Variants in UNC13C observed in about 807,000 individuals in gnomAD.
The protein encoded by UNC13C is protein unc-13 homolog C.
A neutral mutation model predicts 245.4 loss-of-function variants in UNC13C; 174 were observed. The observed-to-expected ratio is 0.71, with a 90% CI of 0.63 to 0.80. The LOEUF (loss-of-function observed/expected upper bound fraction) is 0.80, where lower values mean the gene tolerates loss of function less well. UNC13C is among the 30% of genes least tolerant of loss of function. UNC13C has a pLI of 0.00. For synonymous variants in UNC13C, 992 were observed against 895.1 expected (o/e 1.11, Z -1.93); for missense variants, 2,829 against 2,602.9 (o/e 1.09, Z -1.89).
intron 19 of UNC13C, among the ~76,000 whole-genome samples, chr15:54,436,275 A>G (rs2040984431): frequency 6.6e-6 from 1 of 152,024 alleles, no homozygotes; most frequent in Admixed American, 6.6e-5. Flanking sequence ...TATTTCCTCT[A>G]GAAATACCAT....
intron 24 of UNC13C, 85 bp from the exon 25 acceptor site, chr15:54,525,464 A>G: frequency 2.2e-6 from 2 of 894,938 alleles, no homozygotes; most frequent in South Asian, 3.7e-5. Context: ...TGAAGTTACC[A>G]TATAATAATC....
the UNC13C span, among the ~76,000 whole-genome samples, chr15:53,969,471 G>A: frequency 6.6e-6 from 1 of 151,850 alleles, no homozygotes; most frequent in Non-Finnish European, 1.5e-5. Flanking sequence ...TTTCTTAAGG[G>A]CAGGGGTTTG....
chr15:54,542,677 G>A (rs367787720), intron 26 of UNC13C, among the ~76,000 whole-genome samples: 1 of 152,190 alleles, frequency 6.6e-6, no homozygotes, highest in Admixed American at 6.5e-5. Flanking sequence ...ATGAATCTGG[G>A]TGCTCCTGTA....
chr15:54,175,401 T>G (rs1157965593), intron 4 of UNC13C, among the ~76,000 whole-genome samples: 2 of 152,014 alleles, frequency 1.3e-5, no homozygotes, highest in African/African-American at 4.8e-5. Context: ...CCACCATAAC[T>G]ATAAAACAGT....
chr15:54,014,488 G>T lies in UNC13C; in HGVS notation c.1585G>T (p.Ala529Ser). The change falls in exon 2 of 33, where the codon GCA becomes TCA. Residue 529 changes from alanine to serine, a missense_variant. Ala to Ser is a moderately conservative substitution (Grantham distance 99, BLOSUM62 1). Transcript: ENST00000260323. ...ILEKQTTTHY[A>S]DATPLWHSQS... is the part of the protein sequence containing the mutation. ...GGAAAAGCAAACCACAACCCATTAT[G>T]CAGATGCAACACCTCTCTGGCACTC... is the stretch of plus-strand genomic sequence containing the variant. 1 of 1,613,796 alleles carries T rather than the reference G, an allele frequency of 6.2e-7. No individual in the cohort carries two copies. Among genetic ancestry groups the T allele is most frequent in the Non-Finnish European group, 8.5e-7 (1 of 1,179,822 alleles).
chr15:54,534,278 G>T lies in UNC13C; in HGVS notation c.5696+1212G>T, dbSNP rs1019221761. Among the ~76,000 whole-genome samples, 3 of 152,226 alleles carry T rather than the reference G, an allele frequency of 2.0e-5. No homozygotes were observed. In the South Asian group the frequency reaches 6.2e-4, roughly 32 times the overall value. On this transcript the variant is annotated intron_variant, in intron 26 of 32. Coordinates refer to ENST00000260323, the MANE Select transcript of UNC13C (RefSeq NM_001080534.3). ...AATGGGCCTGGTACCAGGCCCCAGG[G>T]TTAGGACATGCAATCCAGGAATGCC...
At chr15:54,557,930 T>A (rs535742256) in intron 29 of UNC13C, among the ~76,000 whole-genome samples, 1 of 151,952 alleles carries the variant, frequency 6.6e-6, no homozygotes, top group African/African-American at 2.4e-5. Flanking sequence ...CCATAAAAAA[T>A]GATGAGTTCA....
intron 15 of UNC13C, among the ~76,000 whole-genome samples, chr15:54,333,362 G>A (rs768532371): frequency 5.9e-5 from 9 of 151,860 alleles, no homozygotes; most frequent in Non-Finnish European, 1.2e-4. Flanking sequence ...AGTAAATGCA[G>A]CACATGTATA....
intron 2 of UNC13C, among the ~76,000 whole-genome samples, chr15:54,027,334 G>C (rs1196545450): frequency 6.6e-6 from 1 of 152,124 alleles, no homozygotes; most frequent in Non-Finnish European, 1.5e-5. Flanking sequence ...TGAGTTGTAG[G>C]AGTTATGTCA....
chr15:54,190,062 A>G (rs1230511320), intron 4 of UNC13C, among the ~76,000 whole-genome samples: 2 of 152,162 alleles, frequency 1.3e-5, no homozygotes, highest in Non-Finnish European at 2.9e-5. Flanking sequence ...CCTTACTCTT[A>G]GTACAGGTTT....
At chr15:54,118,753 G>GTTCT (rs2030454482) in intron 2 of UNC13C, among the ~76,000 whole-genome samples, 1 of 151,960 alleles carries the variant, frequency 6.6e-6, no homozygotes, top group Admixed American at 6.6e-5. Flanking sequence ...ATTTTTCCCT[G>GTTCT]TTCTGTATGT....
At chr15:54,303,095 A>G (rs1707225404) in intron 13 of UNC13C, among the ~76,000 whole-genome samples, 1 of 152,174 alleles carries the variant, frequency 6.6e-6, no homozygotes, top group South Asian at 2.1e-4. Context: ...TCTCAAATCT[A>G]GAAACTTTGT....
At chr15:54,449,041 T>A (rs1891002267) in intron 19 of UNC13C, among the ~76,000 whole-genome samples, 1 of 152,164 alleles carries the variant, frequency 6.6e-6, no homozygotes, top group South Asian at 2.1e-4. Flanking sequence ...TGAAGCTTAG[T>A]TTGGCTGGAT....
chr15:54,607,377 C>T (rs1264758523), intron 30 of UNC13C, among the ~76,000 whole-genome samples: 1 of 152,138 alleles, frequency 6.6e-6, no homozygotes, highest in African/African-American at 2.4e-5. Flanking sequence ...TGTCCTTTTT[C>T]AGAGTCAGTT....
rs1896684961 is a variant in UNC13C at position 54,550,405 on chromosome 15, C to T, written c.5877+714C>T. Among the ~76,000 whole-genome samples, 4 of 152,036 alleles carry T rather than the reference C, an allele frequency of 2.6e-5. No individual in the cohort carries two copies. In the South Asian group the frequency reaches 8.3e-4, roughly 32 times the overall value. Reference sequence around the variant, plus strand: ...GTGAGTGTAAATGAGACAAGACATACATTATCTTTGCTTGGTAACTGCAAA... The same window carrying T: ...GTGAGTGTAAATGAGACAAGACATATATTATCTTTGCTTGGTAACTGCAAA... On this transcript the variant is annotated intron_variant, in intron 28 of 32. Transcript: ENST00000260323.
At chr15:53,910,347 C>A in the UNC13C span, among the ~76,000 whole-genome samples, 1 of 146,008 alleles carries the variant, frequency 6.8e-6, no homozygotes, top group Admixed American at 7.1e-5. Flanking sequence ...GGCAGATACC[C>A]AGGCCTGCAT....
intron 26 of UNC13C, among the ~76,000 whole-genome samples, chr15:54,545,699 GA>G (rs750629726): frequency 2.0e-5 from 3 of 152,006 alleles, no homozygotes; most frequent in Non-Finnish European, 4.4e-5. Flanking sequence ...TAACAAACAT[GA>G]AAAAAAGCTC....
In UNC13C at chr15:54,110,713, G is replaced by GT. The variant is rs532379967; in HGVS notation, c.2984-32297dup. On this transcript the variant is annotated intron_variant, in intron 2 of 32. Coordinates refer to ENST00000260323, the MANE Select transcript of UNC13C (RefSeq NM_001080534.3). ...GAGGCTGGAGTACAGATCAAAGTTG[G>GT]TTTTTTTTGTGTGAATTTTCTTTGG... is the stretch of plus-strand genomic sequence containing the variant. 4.3e-3 allele frequency among the ~76,000 whole-genome samples: 657 copies of GT among 151,842 alleles called. 3 individuals carry two copies. Among genetic ancestry groups the GT allele is most frequent in the African/African-American group, 0.015 (630 of 41,376 alleles).
chr15:53,917,421 A>G, the UNC13C span, among the ~76,000 whole-genome samples: 1 of 152,222 alleles, frequency 6.6e-6, no homozygotes, highest in Admixed American at 6.5e-5. Context: ...AAGAAAGTTG[A>G]GTTCTCTTAC....
Sources: allele counts gnomAD v4.1 joint callset (sites outside exome capture counted in the v4.1 genomes callset), GRCh38; gene constraint gnomAD v4.1.1; transcripts MANE v1.5; gene names NCBI Gene and HGNC (gene_info 2026-07-23, HGNC 2026-07-21).